The following CUL1 variants were observed in gnomAD, a reference collection of about 807,000 sequenced individuals.
The protein encoded by CUL1 is cullin-1.
Under a neutral mutation model 118.0 loss-of-function variants are expected in CUL1, and 24 were observed. The observed-to-expected ratio is 0.20, with a 90% CI of 0.15 to 0.29. The LOEUF (loss-of-function observed/expected upper bound fraction) is 0.29. Among genes scored for constraint, CUL1 ranks in the 10% least tolerant of loss-of-function variants. The pLI, the probability that CUL1 is intolerant of heterozygous loss-of-function variation, is 1.00. For missense variants in CUL1, 361 were observed against 933.8 expected (o/e 0.39, Z 7.99); for synonymous variants, 332 against 340.4 (o/e 0.98, Z 0.27).
At chr7:148,713,984 T>G (rs925384347) in intron 1 of CUL1, among the ~76,000 whole-genome samples, 6 of 152,180 alleles carry the variant, frequency 3.9e-5, no homozygotes, top group Non-Finnish European at 7.3e-5. Context: ...CCTCCCAAAG[T>G]TCTGGGATTA....
At position 148,712,487 on chromosome 7, in the gene CUL1, A is replaced by T. The variant is rs377109637; in HGVS notation, c.-162+13458A>T. Among the ~76,000 whole-genome samples the T allele has an allele frequency of 3.3e-5, 5 of 152,218 alleles. No individual in the cohort carries two copies. The East Asian group carries it at 5.8e-4, about 18-fold the overall frequency. On this transcript the variant is annotated intron_variant, in intron 1 of 21. Transcript: ENST00000325222. ...CACCTCTGGTGTCATCAGTTATCAA[A>T]GGTATTGTGGAGTTTTCAGGTAACG...
intron 9 of CUL1, among the ~76,000 whole-genome samples, chr7:148,773,253 C>A (rs1800279575): frequency 6.6e-6 from 1 of 152,094 alleles, no homozygotes; most frequent in Non-Finnish European, 1.5e-5. Context: ...TTCATGAACC[C>A]TGTCTTCCAG....
chr7:148,758,590 T>C (rs1799735767), intron 4 of CUL1, among the ~76,000 whole-genome samples: 1 of 152,166 alleles, frequency 6.6e-6, no homozygotes, highest in African/African-American at 2.4e-5. Flanking sequence ...GGACTCTACC[T>C]TGAGTGACAG....
chr7:148,726,812 A>G (rs1384161915), intron 1 of CUL1, among the ~76,000 whole-genome samples: 6 of 150,072 alleles, frequency 4.0e-5, no homozygotes, highest in Non-Finnish European at 8.9e-5. Flanking sequence ...ATAAAGTAAC[A>G]TGACGAAACC....
chr7:148,713,924 A>G (rs955648354), intron 1 of CUL1, among the ~76,000 whole-genome samples: 1 of 152,100 alleles, frequency 6.6e-6, no homozygotes, highest in African/African-American at 2.4e-5. Context: ...GGGTTTCACC[A>G]TGTTGGCCAG....
chr7:148,738,519 C>T (rs1463510760), intron 2 of CUL1, among the ~76,000 whole-genome samples: 3 of 152,194 alleles, frequency 2.0e-5, no homozygotes, highest in Admixed American at 2.0e-4. Context: ...CACCATTTCC[C>T]CACCTGCCTG....
At chr7:148,742,719 A>G (rs1004000269) in intron 2 of CUL1, among the ~76,000 whole-genome samples, 16 of 148,740 alleles carry the variant, frequency 1.1e-4, no homozygotes, top group Admixed American at 2.8e-4. Context: ...CTCCTGCCTC[A>G]GCCTCCTGAG....
At chr7:148,747,400 G>A (rs1799339929) in intron 2 of CUL1, among the ~76,000 whole-genome samples, 1 of 152,180 alleles carries the variant, frequency 6.6e-6, no homozygotes, top group Non-Finnish European at 1.5e-5. Flanking sequence ...AGAGAAGAGA[G>A]CTGAAAATGA....
chr7:148,785,496 C>G (rs1800783620), intron 11 of CUL1, among the ~76,000 whole-genome samples: 1 of 150,928 alleles, frequency 6.6e-6, no homozygotes. Context: ...GCAGCTGGGA[C>G]TACAGGCGTG....
chr7:148,782,542 TTTCTC>T (rs1800675683), intron 9 of CUL1, among the ~76,000 whole-genome samples: 2 of 152,240 alleles, frequency 1.3e-5, no homozygotes, highest in South Asian at 2.1e-4. Flanking sequence ...CTTTTAATGT[TTTCTC>T]TTATCAAATG....
intron 2 of CUL1, among the ~76,000 whole-genome samples, chr7:148,739,122 T>C (rs1687949685): frequency 6.6e-6 from 1 of 152,216 alleles, no homozygotes; most frequent in African/African-American, 2.4e-5. Context: ...TCCTTGAACA[T>C]GGGGAATTCT....
intron 16 of CUL1, among the ~76,000 whole-genome samples, chr7:148,791,455 A>C (rs1019058593): frequency 6.6e-6 from 1 of 152,248 alleles, no homozygotes; most frequent in African/African-American, 2.4e-5. Flanking sequence ...GTTTCTTACT[A>C]TACAATTGAA....
intron 2 of CUL1, among the ~76,000 whole-genome samples, chr7:148,740,989 G>A (rs143390894): frequency 1.5e-4 from 23 of 152,196 alleles, no homozygotes; most frequent in African/African-American, 5.3e-4. Flanking sequence ...TGTTATGGCA[G>A]CCTAAGCCGA....
rs1798925120 is a variant in CUL1, at chr7:148,735,989, A to G, written c.140+5727A>G. On this transcript the variant is annotated intron_variant, in intron 2 of 21. Transcript: ENST00000325222. ...GGAGTTTGAGACCAGTCTGGGCAAC[A>G]TAGCAAAACCTTGTCTTTAAAAAAA... Among the ~76,000 whole-genome samples, 2 of 149,592 alleles carry G rather than the reference A, an allele frequency of 1.3e-5. 1 individual carries two copies. The highest frequency in any genetic ancestry group is 5.0e-5 in the African/African-American group (2 of 40,096).
intron 20 of CUL1, 67 bp from the exon 21 acceptor site, chr7:148,799,208 C>A (rs1458376190): frequency 3.2e-6 from 4 of 1,243,114 alleles, no homozygotes; most frequent in Non-Finnish European, 4.7e-6. Flanking sequence ...TGCAGCTTGT[C>A]CTTAACTATC....
intron 9 of CUL1, among the ~76,000 whole-genome samples, chr7:148,778,220 T>C (rs1047526076): frequency 6.6e-6 from 1 of 151,568 alleles, no homozygotes; most frequent in African/African-American, 2.4e-5. Context: ...TTGAAAGAGG[T>C]GAGATGATAC....
At chr7:148,762,622 T>A (rs928057413) in intron 7 of CUL1, among the ~76,000 whole-genome samples, 1 of 152,262 alleles carries the variant, frequency 6.6e-6, no homozygotes, top group Non-Finnish European at 1.5e-5. Context: ...ACTTCTCTTA[T>A]GAAACTCTGC....
At chr7:148,705,315 T>C (rs1439132026) in intron 1 of CUL1, among the ~76,000 whole-genome samples, 2 of 152,214 alleles carry the variant, frequency 1.3e-5, no homozygotes, top group Admixed American at 1.3e-4. Flanking sequence ...TGTTTTAAAT[T>C]AATCTTTAAA....
At chr7:148,723,190 C>T (rs180766495) in intron 1 of CUL1, among the ~76,000 whole-genome samples, 3 of 152,306 alleles carry the variant, frequency 2.0e-5, no homozygotes, top group Admixed American at 2.0e-4. Flanking sequence ...CTGGCTGTAC[C>T]TTTGCAGTTA....
Sources: allele counts gnomAD v4.1 joint callset (sites outside exome capture counted in the v4.1 genomes callset), GRCh38; gene constraint gnomAD v4.1.1; transcripts MANE v1.5; gene names NCBI Gene and HGNC (gene_info 2026-07-23, HGNC 2026-07-21).